PIGB: variants seen among roughly 807,000 people sequenced by gnomAD.
PIGB encodes GPI alpha-1,2-mannosyltransferase 3.
Under a neutral mutation model 68.4 loss-of-function variants are expected in PIGB, and 58 were observed. The ratio of observed to expected loss-of-function variants is 0.85; its 90% CI spans 0.69 to 1.06. The LOEUF (loss-of-function observed/expected upper bound fraction) is 1.06. Ranked by LOEUF, PIGB falls within the 50% of genes least tolerant of loss-of-function variation. The probability of loss-of-function intolerance (pLI) is 0.00; values close to 1 mark genes in which losing one functional copy is unlikely to be tolerated. For missense variants in PIGB, 634 were observed against 655.8 expected, an observed-to-expected ratio of 0.97 and a Z score of 0.36; for synonymous variants, 219 against 220.5, an observed-to-expected ratio of 0.99 and a Z score of 0.06.
intron 6 of PIGB, among the ~76,000 whole-genome samples, chr15:55,338,039 G>T (rs559033307): frequency 8.1e-4 from 124 of 152,206 alleles, no homozygotes; most frequent in Non-Finnish European, 5.1e-4. Context: ...TACTTTTGGG[G>T]AGGAGGTAGG....
intron 10 of PIGB, among the ~76,000 whole-genome samples, chr15:55,354,258 A>C (rs943632174): frequency 3.3e-5 from 5 of 151,792 alleles, no homozygotes; most frequent in African/African-American, 1.2e-4. Flanking sequence ...CAGTGAGCTG[A>C]GATTGCGCCA....
rs1184080555 is a variant in PIGB at position 55,319,390 on chromosome 15, A to G, written c.140A>G (p.Glu47Gly). The G allele has an allele frequency of 6.4e-7, 1 of 1,552,614 alleles. No individual in the cohort carries two copies. Among genetic ancestry groups the G allele is most frequent in the Non-Finnish European group, 8.7e-7 (1 of 1,147,430 alleles). ...TCTACCTTGTACTTCAACACCCAGGAGAAGAGCGCCAGGCGCCGCGGGGGT... is the reference window on the plus strand; with the variant it reads ...TCTACCTTGTACTTCAACACCCAGGGGAAGAGCGCCAGGCGCCGCGGGGGT... Reference protein sequence around the residue: ...RKSTLYFNTQEKSARRRGDLL... With the variant: ...RKSTLYFNTQGKSARRRGDLL... Residue 47 changes from glutamate (E) to glycine (G), a missense_variant, in exon 1 of 12, where the codon GAG (glutamate) becomes GGG (glycine). Coordinates refer to ENST00000164305, the MANE Select transcript of PIGB (RefSeq NM_004855.5).
intron 3 of PIGB, among the ~76,000 whole-genome samples, chr15:55,324,322 CTT>C (rs1210271374): frequency 6.6e-6 from 1 of 152,200 alleles, no homozygotes; most frequent in Non-Finnish European, 1.5e-5. Flanking sequence ...ATGTTCTTCT[CTT>C]TACCTCACTC....
chr15:55,329,113 A>G (rs1191273113), intron 4 of PIGB, among the ~76,000 whole-genome samples: 3 of 152,124 alleles, frequency 2.0e-5, no homozygotes, highest in Admixed American at 6.5e-5. Context: ...TTCTTTTAAC[A>G]CATTTGTTTT....
chr15:55,322,014 A>C (rs1223040392), intron 3 of PIGB, among the ~76,000 whole-genome samples: 1 of 151,702 alleles, frequency 6.6e-6, no homozygotes, highest in Admixed American at 6.6e-5. Flanking sequence ...GTCTCTACTA[A>C]AAATACAAAA....
intron 3 of PIGB, 69 bp downstream of exon 3, chr15:55,321,459 C>T: frequency 7.5e-7 from 1 of 1,341,196 alleles, no homozygotes; most frequent in Non-Finnish European, 1.0e-6. Flanking sequence ...GCTACTGTTG[C>T]TGAAGTCCAG....
At chr15:55,340,344 T>C in intron 7 of PIGB, 1 of 187,038 alleles carries the variant, frequency 5.3e-6, no homozygotes, top group Non-Finnish European at 1.1e-5. Context: ...TAGTCCCAGC[T>C]ACTCGGGAGG....
intron 9 of PIGB, chr15:55,349,531 T>C (rs2055878312): frequency 6.6e-6 from 1 of 152,240 alleles, no homozygotes; most frequent in Non-Finnish European, 1.5e-5. Flanking sequence ...ATTTAAGTGA[T>C]AGGCTTAGTT....
intron 1 of PIGB, 53 bp downstream of exon 1, chr15:55,319,466 C>G: frequency 7.3e-7 from 1 of 1,377,916 alleles, no homozygotes; most frequent in African/African-American, 1.5e-5. Context: ...AAAAGGAACC[C>G]CCTCCATTTC....
intron 4 of PIGB, among the ~76,000 whole-genome samples, 192 bp downstream of exon 4, chr15:55,327,827 C>CA (rs1244507789): frequency 1.3e-5 from 2 of 152,294 alleles, no homozygotes; most frequent in African/African-American, 4.8e-5. Context: ...AAGCCCTGCA[C>CA]AGTGTAAGCC....
At chr15:55,324,741 T>C in intron 3 of PIGB, 1 of 830,380 alleles carries the variant, frequency 1.2e-6, no homozygotes, top group Non-Finnish European at 1.5e-6. Context: ...TCATATTAAG[T>C]TTGTAGCCAA....
At chr15:55,342,527 G>C (rs1326024820) in intron 9 of PIGB, among the ~76,000 whole-genome samples, 1 of 152,160 alleles carries the variant, frequency 6.6e-6, no homozygotes, top group Non-Finnish European at 1.5e-5. Flanking sequence ...GAGTAGCTGG[G>C]ATTACAGGCA....
chr15:55,326,865 C>T (rs1338299068), intron 3 of PIGB, among the ~76,000 whole-genome samples: 2 of 151,842 alleles, frequency 1.3e-5, no homozygotes, highest in Non-Finnish European at 2.9e-5. Context: ...AGAAACTTAA[C>T]ACAATTAAAT....
chr15:55,321,943 G>A (rs896477771), intron 3 of PIGB, among the ~76,000 whole-genome samples: 5 of 149,742 alleles, frequency 3.3e-5, no homozygotes, highest in African/African-American at 9.8e-5. Context: ...GGGAGGCCGA[G>A]GCGGGCGGAT....
At chr15:55,355,196 C>A in intron 11 of PIGB, 90 bp from the exon 12 acceptor site, 2 of 1,061,972 alleles carry the variant, frequency 1.9e-6, no homozygotes, top group South Asian at 1.6e-5. Flanking sequence ...AAGTTGTAGA[C>A]AGCAATTAGA....
At chr15:55,341,039 A>C (rs2055659022) in intron 8 of PIGB, among the ~76,000 whole-genome samples, 1 of 149,342 alleles carries the variant, frequency 6.7e-6, no homozygotes. Flanking sequence ...AATTTTTAAG[A>C]ACTTGGACTA....
intron 10 of PIGB, among the ~76,000 whole-genome samples, chr15:55,354,106 G>A (rs1441921835): frequency 6.6e-6 from 1 of 151,462 alleles, no homozygotes; most frequent in Non-Finnish European, 1.5e-5. Flanking sequence ...GAGGTTAGGA[G>A]TTCAGGACCA....
chr15:55,348,738 G>A (rs893981098), intron 9 of PIGB, among the ~76,000 whole-genome samples: 19 of 152,170 alleles, frequency 1.2e-4, no homozygotes, highest in African/African-American at 4.3e-4. Context: ...GCAGGACCAT[G>A]AGCCAAGTAA....
intron 10 of PIGB, among the ~76,000 whole-genome samples, chr15:55,351,254 C>G (rs1366078747): frequency 6.6e-6 from 1 of 151,602 alleles, no homozygotes; most frequent in Non-Finnish European, 1.5e-5. Context: ...ACCACAGGTG[C>G]CTGCCACCAT....
Sources: gnomAD v4.1 joint callset for allele counts (sites outside exome capture counted in the v4.1 genomes callset) on GRCh38, gnomAD v4.1.1 for gene constraint, MANE v1.5 for transcripts, NCBI Gene and HGNC (gene_info 2026-07-23, HGNC 2026-07-21) for gene names.